CABLES1: variants seen among roughly 807,000 people sequenced by gnomAD.
CABLES1 encodes the protein CDK5 and ABL1 enzyme substrate 1.
Under a neutral mutation model 57.8 loss-of-function variants are expected in CABLES1, and 36 were observed. The observed-to-expected ratio is 0.62, with a 90% CI of 0.48 to 0.82. CABLES1 has a LOEUF of 0.82. CABLES1 is among the 40% of genes least tolerant of loss of function. The probability of loss-of-function intolerance (pLI) is 0.00; values close to 1 mark genes in which losing one functional copy is unlikely to be tolerated. For synonymous variants in CABLES1, 374 were observed against 363.0 expected, an observed-to-expected ratio of 1.03 and a Z score of -0.35; for missense variants, 767 against 836.6, an observed-to-expected ratio of 0.92 and a Z score of 1.03.
intron 3 of CABLES1, among the ~76,000 whole-genome samples, chr18:23,207,055 C>T (rs1335783857): frequency 6.6e-6 from 1 of 152,158 alleles, no homozygotes; most frequent in African/African-American, 2.4e-5. Context: ...CATGTCATCT[C>T]CCACCTTGGC....
At chr18:23,189,698 G>A (rs2047227517) in intron 2 of CABLES1, among the ~76,000 whole-genome samples, 1 of 152,220 alleles carries the variant, frequency 6.6e-6, no homozygotes, top group South Asian at 2.1e-4. Context: ...GCTCCTCCTC[G>A]AACCCGCATC....
At chr18:23,202,633 A>G (rs2047333467) in intron 3 of CABLES1, among the ~76,000 whole-genome samples, 1 of 152,224 alleles carries the variant, frequency 6.6e-6, no homozygotes, top group African/African-American at 2.4e-5. Context: ...AGCCTCGCTC[A>G]TTGCTGGCCA....
intron 1 of CABLES1, among the ~76,000 whole-genome samples, chr18:23,150,304 G>A (rs1255268345): frequency 2.1e-5 from 3 of 145,562 alleles, no homozygotes; most frequent in African/African-American, 5.2e-5. Flanking sequence ...CACCTCCCGC[G>A]TTCATGCCAT....
intron 7 of CABLES1, among the ~76,000 whole-genome samples, chr18:23,238,815 G>C (rs913864239): frequency 2.0e-5 from 3 of 152,204 alleles, no homozygotes; most frequent in Admixed American, 2.0e-4. Flanking sequence ...CTCCTGGCTC[G>C]AGGCTGTTTT....
At chr18:23,237,017 T>G in intron 6 of CABLES1, 125 bp from the exon 7 acceptor site, 6 of 685,302 alleles carry the variant, frequency 8.8e-6, no homozygotes, top group South Asian at 1.7e-5. Flanking sequence ...GCCGTGACGT[T>G]GAGCTAAGTG....
chr18:23,221,247 A>G (rs190296019), intron 4 of CABLES1, among the ~76,000 whole-genome samples: 20 of 152,398 alleles, frequency 1.3e-4, no homozygotes, highest in African/African-American at 4.3e-4. Context: ...TAAACTGCTC[A>G]TAAAATATTG....
chr18:23,159,131 A>G (rs2046985003), intron 1 of CABLES1, among the ~76,000 whole-genome samples: 1 of 152,144 alleles, frequency 6.6e-6, no homozygotes, highest in Admixed American at 6.5e-5. Context: ...ACGCCCGGTT[A>G]ATTTTGTATT....
intron 9 of CABLES1, among the ~76,000 whole-genome samples, 174 bp downstream of exon 9, chr18:23,254,110 A>G (rs1348376913): frequency 2.0e-5 from 3 of 152,222 alleles, no homozygotes; most frequent in African/African-American, 7.2e-5. Flanking sequence ...ATCTTAAAAC[A>G]TAGGGATGAT....
intron 1 of CABLES1, among the ~76,000 whole-genome samples, chr18:23,173,621 A>G (rs1293576087): frequency 6.6e-6 from 1 of 152,252 alleles, no homozygotes; most frequent in East Asian, 1.9e-4. Flanking sequence ...TATCATATAA[A>G]TATTTTAACA....
chr18:23,164,738 G>A (rs2047029523), intron 1 of CABLES1, among the ~76,000 whole-genome samples: 1 of 148,356 alleles, frequency 6.7e-6, no homozygotes, highest in South Asian at 2.1e-4. Flanking sequence ...TTGATATGTT[G>A]TGATAAAACA....
intron 1 of CABLES1, among the ~76,000 whole-genome samples, chr18:23,164,550 AAGAC>A (rs2047027955): frequency 6.6e-6 from 1 of 152,064 alleles, no homozygotes; most frequent in African/African-American, 2.4e-5. Context: ...CTCCCACTGA[AAGAC>A]AGGCATGATG....
intron 1 of CABLES1, among the ~76,000 whole-genome samples, chr18:23,173,734 G>A (rs2047100090): frequency 6.6e-6 from 1 of 152,204 alleles, no homozygotes; most frequent in Non-Finnish European, 1.5e-5. Flanking sequence ...AGGTCGAGGT[G>A]GGTGGATCGC....
intron 1 of CABLES1, among the ~76,000 whole-genome samples, chr18:23,152,394 ATATT>A (rs2046936550): frequency 1.3e-5 from 2 of 152,168 alleles, no homozygotes; most frequent in Non-Finnish European, 1.5e-5. Flanking sequence ...TGTTGATTGA[ATATT>A]TACGTATGGA....
At chr18:23,167,531 G>A (rs1023668957) in intron 1 of CABLES1, among the ~76,000 whole-genome samples, 1 of 152,180 alleles carries the variant, frequency 6.6e-6, no homozygotes, top group African/African-American at 2.4e-5. Flanking sequence ...TTGATTAGGT[G>A]CTAATTATTT....
chr18:23,204,503 G>C (rs559183699), intron 3 of CABLES1: 1 of 152,352 alleles, frequency 6.6e-6, no homozygotes, highest in East Asian at 1.9e-4. Context: ...AAAAGAGTTG[G>C]AAATTGTTTC....
intron 1 of CABLES1, 84 bp from the exon 2 acceptor site, chr18:23,188,754 T>G: frequency 2.1e-6 from 2 of 957,588 alleles, no homozygotes; most frequent in Non-Finnish European, 3.4e-6. Flanking sequence ...TGTTTTTGTT[T>G]TAGGGTAGTT....
At chr18:23,184,534 C>T (rs1395148088) in intron 1 of CABLES1, among the ~76,000 whole-genome samples, 5 of 152,224 alleles carry the variant, frequency 3.3e-5, no homozygotes, top group African/African-American at 9.6e-5. Flanking sequence ...GAAACCCTGT[C>T]TCTACTAAAA....
chr18:23,148,916 T>C (rs556420787), intron 1 of CABLES1, among the ~76,000 whole-genome samples: 12 of 151,886 alleles, frequency 7.9e-5, no homozygotes, highest in Non-Finnish European at 1.6e-4. Flanking sequence ...TGAGATGGAG[T>C]CTTGCTCTCT....
chr18:23,213,995 C>T lies in CABLES1; in HGVS notation c.1029C>T (p.Gly343=), dbSNP rs1348205200. ...TTTTTAGAATAGTCCTTATCAGTGGCAGAAGATCCTTCTGTAGTATATTTT... is the reference window on the plus strand; with the variant it reads ...TTTTTAGAATAGTCCTTATCAGTGGTAGAAGATCCTTCTGTAGTATATTTT... ...TRNGRIVLIS[G]RRSFCSIFSV... Residue 343 remains glycine (G), a synonymous_variant, in exon 4 of 10, where the codon GGC becomes GGT. Transcript: ENST00000256925. The T allele has an allele frequency of 6.2e-7, 1 of 1,610,700 alleles. No homozygotes were observed. The highest frequency in any genetic ancestry group is 8.5e-7 in the Non-Finnish European group (1 of 1,177,642).
Sources: allele counts gnomAD v4.1 joint callset (sites outside exome capture counted in the v4.1 genomes callset), GRCh38; gene constraint gnomAD v4.1.1; transcripts MANE v1.5; gene names NCBI Gene and HGNC (gene_info 2026-07-23, HGNC 2026-07-21).